Variants in MEGF11 observed in about 807,000 individuals in gnomAD.
MEGF11 encodes multiple epidermal growth factor-like domains protein 11.
A neutral mutation model predicts 146.6 loss-of-function variants in MEGF11; 126 were observed. The ratio of observed to expected loss-of-function variants is 0.86; its 90% CI spans 0.74 to 1.00. The LOEUF is 1.00. Ranked by LOEUF, MEGF11 falls within the 50% of genes least tolerant of loss-of-function variation. The pLI, the probability that MEGF11 is intolerant of heterozygous loss-of-function variation, is 0.00. For synonymous variants in MEGF11, 532 were observed against 583.4 expected, an observed-to-expected ratio of 0.91 and a Z score of 1.27; for missense variants, 1,509 against 1,521.2, an observed-to-expected ratio of 0.99 and a Z score of 0.13.
chr15:66,154,299 C>T (rs1395348460), intron 1 of MEGF11, among the ~76,000 whole-genome samples: 4 of 18,822 alleles, frequency 2.1e-4, no homozygotes, highest in Admixed American at 8.3e-4. Context: ...CCCAACCTCG[C>T]GCTCGCCCAC....
At position 66,179,306 on chromosome 15, in the gene MEGF11, T is replaced by C. The variant is rs534779483; in HGVS notation, c.-8-50895A>G. On this transcript the variant is annotated intron_variant, in intron 1 of 25. Transcript: ENST00000395614. Reference sequence around the variant, plus strand: ...CGCCCCCACACCCAGCTAATTTTTGTATTTTTAGTAGAGATGGGGTTTCAC... The same window carrying C: ...CGCCCCCACACCCAGCTAATTTTTGCATTTTTAGTAGAGATGGGGTTTCAC... Among the ~76,000 whole-genome samples the C allele has an allele frequency of 2.6e-5, 4 of 152,312 alleles. No homozygotes were observed. In the South Asian group the frequency reaches 8.3e-4, roughly 32 times the overall value.
At chr15:66,185,359 A>C (rs2090666443) in intron 1 of MEGF11, among the ~76,000 whole-genome samples, 1 of 151,958 alleles carries the variant, frequency 6.6e-6, no homozygotes, top group Non-Finnish European at 1.5e-5. Context: ...TCTCAAAGCC[A>C]CTTTGCATAA....
At chr15:65,935,055 T>C (rs2079720257) in intron 10 of MEGF11, among the ~76,000 whole-genome samples, 1 of 151,984 alleles carries the variant, frequency 6.6e-6, no homozygotes, top group South Asian at 2.1e-4. Flanking sequence ...GCGTGATGGC[T>C]CAGGCCTGTA....
At chr15:66,071,728 A>G (rs1378775515) in intron 5 of MEGF11, among the ~76,000 whole-genome samples, 2 of 152,212 alleles carry the variant, frequency 1.3e-5, no homozygotes, top group Non-Finnish European at 2.9e-5. Context: ...AGCAGCAACA[A>G]TAAGGAAAAA....
At chr15:66,181,406 A>G (rs552825408) in intron 1 of MEGF11, among the ~76,000 whole-genome samples, 1 of 152,204 alleles carries the variant, frequency 6.6e-6, no homozygotes, top group African/African-American at 2.4e-5. Flanking sequence ...AGATTTATGC[A>G]CACTTGAATG....
intron 1 of MEGF11, among the ~76,000 whole-genome samples, chr15:66,215,844 T>C (rs1319162932): frequency 2.0e-5 from 3 of 152,188 alleles, no homozygotes; most frequent in African/African-American, 7.2e-5. Context: ...GGCTCCACAT[T>C]GGAAATTCAT....
chr15:65,937,160 G>A (rs2079818881), intron 10 of MEGF11, among the ~76,000 whole-genome samples: 1 of 152,202 alleles, frequency 6.6e-6, no homozygotes, highest in South Asian at 2.1e-4. Flanking sequence ...CAGGGAACTG[G>A]CTGCAAGGGT....
chr15:66,198,547 G>A (rs7180685), intron 1 of MEGF11, among the ~76,000 whole-genome samples: 60,296 of 151,976 alleles, frequency 0.4, 12,399 homozygotes, highest in East Asian at 0.59. Flanking sequence ...GTGCAGTGGC[G>A]CAATCTCAGC....
At chr15:66,047,630 T>A (rs558964335) in intron 5 of MEGF11, among the ~76,000 whole-genome samples, 35 of 152,342 alleles carry the variant, frequency 2.3e-4, no homozygotes, top group African/African-American at 8.4e-4. Context: ...CTTACTGTTT[T>A]TAATCCCTTT....
intron 5 of MEGF11, among the ~76,000 whole-genome samples, chr15:66,067,578 C>A (rs937182520): frequency 4.6e-5 from 7 of 152,206 alleles, no homozygotes; most frequent in African/African-American, 1.7e-4. Flanking sequence ...GACCCTTTGC[C>A]TTTGGCCAAC....
At chr15:66,004,875 A>G (rs1017132244) in intron 5 of MEGF11, among the ~76,000 whole-genome samples, 11 of 152,182 alleles carry the variant, frequency 7.2e-5, no homozygotes, top group African/African-American at 9.7e-5. Context: ...TTCCACCCCA[A>G]TGAAATTTTG....
chr15:66,222,002 G>A (rs947038261), intron 1 of MEGF11, among the ~76,000 whole-genome samples: 1 of 152,156 alleles, frequency 6.6e-6, no homozygotes, highest in African/African-American at 2.4e-5. Context: ...TTGCACTTAC[G>A]TGGCAGCAGT....
chr15:66,161,025 C>T (rs986760126), intron 1 of MEGF11, among the ~76,000 whole-genome samples: 2 of 152,258 alleles, frequency 1.3e-5, no homozygotes, highest in East Asian at 3.9e-4. Context: ...AGCAAAGCCA[C>T]CCTGGAGGCA....
At chr15:66,225,724 A>G (rs1597161907) in intron 1 of MEGF11, among the ~76,000 whole-genome samples, 1 of 152,224 alleles carries the variant, frequency 6.6e-6, no homozygotes, top group African/African-American at 2.4e-5. Flanking sequence ...TCACACACAC[A>G]CGCACACTAT....
At chr15:66,145,675 AC>A (rs2089345145) in intron 1 of MEGF11, among the ~76,000 whole-genome samples, 2 of 152,220 alleles carry the variant, frequency 1.3e-5, no homozygotes, top group African/African-American at 4.8e-5. Flanking sequence ...GGATGAGCAC[AC>A]ACACTTTGCT....
chr15:65,970,767 G>T (rs918129534), intron 7 of MEGF11, 78 bp from the exon 8 acceptor site: 1 of 1,496,726 alleles, frequency 6.7e-7, no homozygotes. Context: ...CACCTGCTGT[G>T]GCTCCAGGGA....
chr15:65,969,030 C>A (rs1475419974), intron 8 of MEGF11, among the ~76,000 whole-genome samples: 1 of 152,156 alleles, frequency 6.6e-6, no homozygotes, highest in African/African-American at 2.4e-5. Context: ...TTGAACCCTC[C>A]TGTGGTTGAT....
intron 5 of MEGF11, among the ~76,000 whole-genome samples, chr15:66,074,075 A>G (rs1597054950): frequency 6.6e-6 from 1 of 152,188 alleles, no homozygotes; most frequent in African/African-American, 2.4e-5. Context: ...GATGAAAAAC[A>G]TTACCCGGTT....
intron 5 of MEGF11, among the ~76,000 whole-genome samples, chr15:66,031,677 T>C (rs2083526625): frequency 6.6e-6 from 1 of 152,172 alleles, no homozygotes; most frequent in South Asian, 2.1e-4. Context: ...ACCAATTCAG[T>C]GTGTGATCTT....
Sources: allele counts gnomAD v4.1 joint callset (sites outside exome capture counted in the v4.1 genomes callset), GRCh38; gene constraint gnomAD v4.1.1; transcripts MANE v1.5; gene names NCBI Gene and HGNC (gene_info 2026-07-23, HGNC 2026-07-21).